The following FER1L6 variants were observed in gnomAD, a reference collection of about 807,000 sequenced individuals.
FER1L6 encodes fer-1 like family member 6.
A neutral mutation model predicts 219.2 loss-of-function variants in FER1L6; 177 were observed. The observed-to-expected ratio is 0.81, with a 90% CI of 0.71 to 0.91. The LOEUF (loss-of-function observed/expected upper bound fraction) is 0.91. FER1L6 is among the 40% of genes least tolerant of loss of function. The pLI is 0.00. For synonymous variants in FER1L6, 768 were observed against 824.3 expected, an observed-to-expected ratio of 0.93 and a Z score of 1.17; for missense variants, 2,153 against 2,259.9, an observed-to-expected ratio of 0.95 and a Z score of 0.96.
chr8:124,113,681 C>T (rs1450996945), intron 39 of FER1L6, among the ~76,000 whole-genome samples: 1 of 152,148 alleles, frequency 6.6e-6, no homozygotes, highest in Non-Finnish European at 1.5e-5. Flanking sequence ...CTGACATTTT[C>T]CCCTCATGTT....
intron 35 of FER1L6, among the ~76,000 whole-genome samples, chr8:124,096,471 C>T (rs915657837): frequency 6.6e-6 from 1 of 152,170 alleles, no homozygotes; most frequent in Non-Finnish European, 1.5e-5. Context: ...TCATCCCAAC[C>T]CATATCCCTT....
intron 1 of FER1L6, among the ~76,000 whole-genome samples, chr8:123,920,374 A>T (rs950777677): frequency 6.6e-6 from 1 of 152,226 alleles, no homozygotes; most frequent in Non-Finnish European, 1.5e-5. Context: ...GGATGGCCCC[A>T]TCATCTAGCC....
At chr8:124,113,381 T>C (rs1024777192) in intron 39 of FER1L6, among the ~76,000 whole-genome samples, 3 of 152,194 alleles carry the variant, frequency 2.0e-5, no homozygotes, top group Non-Finnish European at 4.4e-5. Flanking sequence ...ACTGAACAAT[T>C]TAAGCTGTAG....
At position 124,060,179 on chromosome 8, in the gene FER1L6, G is replaced by A; in HGVS notation, c.2875-1G>A. ...TAACTCATACTTGCCTTGTGCGGTA[G>A]GTTCCTCCTTCTGGGCTGCAAGGCC... On this transcript the variant is annotated splice_acceptor_variant, in intron 22 of 40. Coordinates refer to ENST00000522917, the MANE Select transcript of FER1L6 (RefSeq NM_001039112.2). LOFTEE classifies it high-confidence loss of function. The A allele has an allele frequency of 1.2e-6, 2 of 1,613,012 alleles. No individual in the cohort carries two copies. The highest frequency in any genetic ancestry group is 1.7e-6 in the Non-Finnish European group (2 of 1,179,034).
At chr8:123,861,343 C>G (rs1262332815) in intron 1 of FER1L6, among the ~76,000 whole-genome samples, 1 of 146,808 alleles carries the variant, frequency 6.8e-6, no homozygotes, top group Admixed American at 6.7e-5. Context: ...TGATCTATAT[C>G]TCTGTTTTGG....
In FER1L6 at chr8:124,103,279, G is replaced by A. The variant is rs200092813; in HGVS notation, c.5259G>A (p.Trp1753Ter). The change falls in exon 39 of 41, where the codon TGG becomes TGA. Residue 1753 changes from tryptophan to a stop codon, truncating the protein, a stop_gained. Transcript: ENST00000522917. LOFTEE classifies it high-confidence loss of function. ...SIFQQKRVRG[W>*]WPFSKSKELT... ...TCCAGCAAAAACGTGTGCGTGGCTG[G>A]TGGCCTTTTTCTAAAAGCAAAGAAC... The A allele has an allele frequency of 7.7e-5, 125 of 1,613,890 alleles. No homozygotes were observed. The highest frequency in any genetic ancestry group is 1.0e-4 in the Non-Finnish European group (123 of 1,179,980).
chr8:123,895,786 T>A (rs551014994), intron 1 of FER1L6, among the ~76,000 whole-genome samples: 17 of 152,134 alleles, frequency 1.1e-4, no homozygotes, highest in African/African-American at 9.6e-5. Flanking sequence ...CTTAAGAAAA[T>A]CACAGGCAGC....
chr8:123,961,505 G>T (rs1447355880), intron 2 of FER1L6, among the ~76,000 whole-genome samples: 1 of 152,152 alleles, frequency 6.6e-6, no homozygotes, highest in African/African-American at 2.4e-5. Flanking sequence ...TTTATGAAGG[G>T]TTACAGCCTG....
intron 1 of FER1L6, among the ~76,000 whole-genome samples, chr8:123,917,804 C>T (rs1332096900): frequency 6.6e-6 from 1 of 152,218 alleles, no homozygotes; most frequent in African/African-American, 2.4e-5. Context: ...CTATAACCTA[C>T]TTTTCCTCCG....
chr8:124,020,912 C>T (rs1180210732), intron 16 of FER1L6, among the ~76,000 whole-genome samples: 2 of 152,090 alleles, frequency 1.3e-5, no homozygotes, highest in African/African-American at 4.8e-5. Flanking sequence ...TCTCACACTG[C>T]TAATAAAGAC....
intron 1 of FER1L6, among the ~76,000 whole-genome samples, chr8:123,924,333 G>A (rs1324942380): frequency 6.6e-6 from 1 of 151,324 alleles, no homozygotes; most frequent in African/African-American, 2.4e-5. Context: ...CTGAGGTCAG[G>A]AGTTCAAGAC....
rs190814175 is a variant in FER1L6 at position 123,881,252 on chromosome 8, A to C, written c.-8+29067A>C. Among the ~76,000 whole-genome samples, 4 of 152,276 alleles carry C rather than the reference A, an allele frequency of 2.6e-5. No individual in the cohort carries two copies. In the East Asian group the frequency reaches 7.7e-4, roughly 29 times the overall value. ...AAAAAATCCTCACTAAAAAAAGAAA[A>C]ATTGCTTTTTCTCTATGTAGTTGTC... On this transcript the variant is annotated intron_variant, in intron 1 of 40. Coordinates refer to ENST00000522917, the MANE Select transcript of FER1L6 (RefSeq NM_001039112.2).
intron 11 of FER1L6, chr8:123,985,549 T>A (rs1174998282): frequency 6.5e-6 from 1 of 153,508 alleles, no homozygotes; most frequent in East Asian, 1.9e-4. Context: ...CAAGCTTTAG[T>A]TCCCTCAGTT....
chr8:123,922,483 A>AT (rs2129846943), intron 1 of FER1L6, among the ~76,000 whole-genome samples: 1 of 152,254 alleles, frequency 6.6e-6, no homozygotes, highest in African/African-American at 2.4e-5. Flanking sequence ...CTCTCAGAGT[A>AT]TTGCCTGGGC....
chr8:124,078,707 G>GGGA (rs1821397810), intron 32 of FER1L6, among the ~76,000 whole-genome samples: 1 of 4,280 alleles, frequency 2.3e-4, no homozygotes, highest in Non-Finnish European at 6.3e-4. Context: ...AGGCATCCCA[G>GGGA]GTGGGATGGG....
chr8:124,013,328 C>CAAAAA, intron 14 of FER1L6, 103 bp from the exon 15 acceptor site: 2 of 597,636 alleles, frequency 3.3e-6, no homozygotes, highest in Non-Finnish European at 5.4e-6. Context: ...ATTGCCAAAA[C>CAAAAA]AAAAAAAAAA....
chr8:123,946,753 A>G (rs1814510416), intron 1 of FER1L6, among the ~76,000 whole-genome samples: 1 of 152,118 alleles, frequency 6.6e-6, no homozygotes, highest in Non-Finnish European at 1.5e-5. Flanking sequence ...TGTTGCAGAC[A>G]CCTGGGCTTA....
intron 1 of FER1L6, among the ~76,000 whole-genome samples, chr8:123,889,672 A>C (rs1379181941): frequency 1.3e-5 from 2 of 152,128 alleles, no homozygotes; most frequent in African/African-American, 4.8e-5. Context: ...GTAGTAAGAA[A>C]AATAATTGTG....
intron 1 of FER1L6, among the ~76,000 whole-genome samples, chr8:123,921,156 A>T (rs1281996128): frequency 6.6e-6 from 1 of 152,212 alleles, no homozygotes; most frequent in East Asian, 1.9e-4. Context: ...ATGGGTGTGC[A>T]AATATCTCTT....
Sources: gnomAD v4.1 joint callset for allele counts (sites outside exome capture counted in the v4.1 genomes callset) on GRCh38, gnomAD v4.1.1 for gene constraint, MANE v1.5 for transcripts, NCBI Gene and HGNC (gene_info 2026-07-23, HGNC 2026-07-21) for gene names.